DCP1A: variants seen among roughly 807,000 people sequenced by gnomAD.
The protein encoded by DCP1A is decapping mRNA 1A.
Under a neutral mutation model 58.0 loss-of-function variants are expected in DCP1A, and 20 were observed. The observed-to-expected ratio is 0.34, with a 90% CI of 0.24 to 0.50. The LOEUF is 0.50. DCP1A is among the 20% of genes least tolerant of loss of function. DCP1A has a pLI of 0.98. For synonymous variants in DCP1A, 285 were observed against 275.1 expected (o/e 1.04, Z -0.36); for missense variants, 613 against 712.2 (o/e 0.86, Z 1.59).
intron 6 of DCP1A, among the ~76,000 whole-genome samples, chr3:53,295,447 G>T (rs1707089693): frequency 6.6e-6 from 1 of 151,792 alleles, no homozygotes; most frequent in African/African-American, 2.4e-5. Flanking sequence ...ATCTTATATG[G>T]TTCAATTTCT....
At chr3:53,297,076 C>T (rs1707151051) in intron 6 of DCP1A, among the ~76,000 whole-genome samples, 1 of 152,138 alleles carries the variant, frequency 6.6e-6, no homozygotes, top group Non-Finnish European at 1.5e-5. Context: ...TCCATATACT[C>T]TCCAACACTT....
At chr3:53,323,861 C>CAA (rs11451581) in intron 3 of DCP1A, among the ~76,000 whole-genome samples, 17,276 of 72,406 alleles carry the variant, frequency 0.24, 1,652 homozygotes, top group Middle Eastern at 0.38. Flanking sequence ...GACTCTGTCT[C>CAA]AAAAAAAAAA....
chr3:53,339,924 C>T (rs562048999), intron 3 of DCP1A, among the ~76,000 whole-genome samples: 1 of 152,000 alleles, frequency 6.6e-6, no homozygotes, highest in Non-Finnish European at 1.5e-5. Context: ...TTTCTCCCAC[C>T]CTCTTTTCAT....
intron 3 of DCP1A, chr3:53,328,978 C>G (rs1183254239): frequency 6.0e-6 from 1 of 168,034 alleles, no homozygotes. Flanking sequence ...TTTCTTCAGG[C>G]TAAGAAAGAA....
At chr3:53,289,044 T>G (rs1314906012) in intron 8 of DCP1A, among the ~76,000 whole-genome samples, 7 of 151,302 alleles carry the variant, frequency 4.6e-5, no homozygotes, top group African/African-American at 1.7e-4. Flanking sequence ...AGGGTCTCAT[T>G]CTGTCACCCA....
chr3:53,306,336 T>C (rs889559581), intron 5 of DCP1A, among the ~76,000 whole-genome samples: 2 of 152,210 alleles, frequency 1.3e-5, no homozygotes, highest in Non-Finnish European at 2.9e-5. Flanking sequence ...AACCCCATTA[T>C]GTGGAATGCT....
intron 5 of DCP1A, among the ~76,000 whole-genome samples, chr3:53,308,992 A>C (rs1453639002): frequency 6.6e-6 from 1 of 152,130 alleles, no homozygotes; most frequent in Non-Finnish European, 1.5e-5. Flanking sequence ...CACCCCCCTG[A>C]CCAAAATCCA....
At chr3:53,329,687 G>A (rs1177069930) in intron 3 of DCP1A, among the ~76,000 whole-genome samples, 1 of 152,064 alleles carries the variant, frequency 6.6e-6, no homozygotes, top group African/African-American at 2.4e-5. Flanking sequence ...AATAAAATTC[G>A]GGAAATGTCT....
intron 3 of DCP1A, among the ~76,000 whole-genome samples, chr3:53,337,680 C>T (rs2089140370): frequency 6.6e-6 from 1 of 152,046 alleles, no homozygotes. Flanking sequence ...TTGTAAGTTT[C>T]AAAAAGGAAT....
chr3:53,328,053 G>A (rs782440469), intron 3 of DCP1A, among the ~76,000 whole-genome samples: 1 of 152,104 alleles, frequency 6.6e-6, no homozygotes, highest in Non-Finnish European at 1.5e-5. Flanking sequence ...CTGGGTGGTG[G>A]AGGTTGCAGT....
At chr3:53,321,495 G>A (rs1707964694) in intron 3 of DCP1A, among the ~76,000 whole-genome samples, 1 of 152,286 alleles carries the variant, frequency 6.6e-6, no homozygotes, top group South Asian at 2.1e-4. Flanking sequence ...CAAGATGGGC[G>A]GAGCACCTGA....
At chr3:53,345,592 T>A (rs902157930) in intron 1 of DCP1A, among the ~76,000 whole-genome samples, 18 of 152,276 alleles carry the variant, frequency 1.2e-4, no homozygotes, top group Non-Finnish European at 2.2e-4. Context: ...CAGTGTTTTT[T>A]AAAAAATAAA....
At chr3:53,299,156 C>A (rs992063311) in intron 6 of DCP1A, among the ~76,000 whole-genome samples, 2 of 152,206 alleles carry the variant, frequency 1.3e-5, no homozygotes, top group Non-Finnish European at 2.9e-5. Flanking sequence ...TCATAGGAGC[C>A]TGGGTGAGCA....
At chr3:53,316,435 C>CA (rs1707815286) in intron 4 of DCP1A, among the ~76,000 whole-genome samples, 1 of 146,562 alleles carries the variant, frequency 6.8e-6, no homozygotes, top group Non-Finnish European at 1.5e-5. Context: ...TCTCTAATCA[C>CA]TTTTTTTTTT....
intron 3 of DCP1A, among the ~76,000 whole-genome samples, chr3:53,336,326 C>T (rs1245204701): frequency 1.3e-5 from 2 of 151,534 alleles, no homozygotes; most frequent in Non-Finnish European, 2.9e-5. Context: ...AGGCTGGTCT[C>T]GAACTCTTGA....
At chr3:53,323,586 G>A (rs782544883) in intron 3 of DCP1A, among the ~76,000 whole-genome samples, 20 of 152,100 alleles carry the variant, frequency 1.3e-4, no homozygotes, top group Admixed American at 5.2e-4. Context: ...TATGATATGC[G>A]GCCGGGTGCA....
Position 53,344,140 on chromosome 3 carries a change from CA to C in DCP1A, c.176+761del, listed in dbSNP as rs60429210. Reference sequence around the variant, plus strand: ...GCAATCCTTATGAAGCAACTCAATACAAAAAAAAAAGGGAAAAGACCAGATA... The same window carrying C: ...GCAATCCTTATGAAGCAACTCAATACAAAAAAAAAGGGAAAAGACCAGATA... On this transcript the variant is annotated intron_variant, in intron 2 of 9. Coordinates refer to ENST00000610213, the MANE Select transcript of DCP1A (RefSeq NM_018403.7). 3.1e-3 allele frequency among the ~76,000 whole-genome samples: 441 copies of C among 144,284 alleles called. 4 individuals are homozygous for C. The highest frequency in any genetic ancestry group is 0.02 in the East Asian group (102 of 4,998). 94.7% of individuals were successfully genotyped at this position (144,284 alleles called of 152,430 possible). A position where few individuals can be genotyped will look rare whatever the true frequency, so the allele number is the denominator to read the frequency against.
At chr3:53,294,909 CT>C (rs1456316711) in intron 6 of DCP1A, among the ~76,000 whole-genome samples, 3 of 152,216 alleles carry the variant, frequency 2.0e-5, no homozygotes, top group Non-Finnish European at 4.4e-5. Flanking sequence ...GCCTTTCTTG[CT>C]CTTGGACTTG....
chr3:53,330,701 T>C (rs1231726407), intron 3 of DCP1A, among the ~76,000 whole-genome samples: 3 of 152,034 alleles, frequency 2.0e-5, no homozygotes, highest in African/African-American at 4.8e-5. Context: ...CTATATGGTA[T>C]AGCAGCTGGT....
Sources: allele counts gnomAD v4.1 joint callset (sites outside exome capture counted in the v4.1 genomes callset), GRCh38; gene constraint gnomAD v4.1.1; transcripts MANE v1.5; gene names NCBI Gene and HGNC (gene_info 2026-07-23, HGNC 2026-07-21).